The following TP63 variants were observed in gnomAD, a reference collection of about 807,000 sequenced individuals.
TP63 encodes the protein tumor protein p63.
A neutral mutation model predicts 82.8 loss-of-function variants in TP63; 17 were observed. The observed-to-expected ratio is 0.21, with a 90% CI of 0.14 to 0.31. The LOEUF is 0.31. TP63 is among the 10% of genes least tolerant of loss of function. The pLI is 1.00. For synonymous variants in TP63, 330 were observed against 321.7 expected, an observed-to-expected ratio of 1.03 and a Z score of -0.28; for missense variants, 648 against 895.3, an observed-to-expected ratio of 0.72 and a Z score of 3.52.
At chr3:189,607,837 G>A in the TP63 span, among the ~76,000 whole-genome samples, 1 of 152,092 alleles carries the variant, frequency 6.6e-6, no homozygotes, top group African/African-American at 2.4e-5. Flanking sequence ...TTTAAGATGA[G>A]CACAAAATAT....
rs1193819721 is a variant in TP63 at position 189,895,679 on chromosome 3, ATTGTTTGGTAAATGTTTCTT to A, written c.*1200_*1219del. 63 of 228,068 alleles carry A rather than the reference ATTGTTTGGTAAATGTTTCTT, an allele frequency of 2.8e-4. No individual in the cohort carries two copies. The highest frequency in any genetic ancestry group is 5.7e-4 in the East Asian group (9 of 15,684). 14.1% of individuals were successfully genotyped at this position (228,068 alleles called of 1,614,324 possible). A position where few individuals can be genotyped will look rare whatever the true frequency, so the allele number is the denominator to read the frequency against. ...AAAAATCTTTTGAAGCATAGATAAT[ATTGTTTGGTAAATGTTTCTT>A]TTGTTTGGTAAATGTTTCTTTTAAA... On this transcript the variant is annotated 3_prime_UTR_variant, in exon 14 of 14. Transcript: ENST00000264731.
chr3:189,746,544 A>G (rs1467951085), intron 3 of TP63, among the ~76,000 whole-genome samples: 5 of 152,024 alleles, frequency 3.3e-5, no homozygotes, highest in Admixed American at 3.3e-4. Flanking sequence ...GAAAACAACC[A>G]AATCACAATT....
intron 1 of TP63, among the ~76,000 whole-genome samples, chr3:189,689,104 C>CTTTTTTTTTTT (rs776704674): frequency 1.5e-5 from 1 of 68,324 alleles, no homozygotes; most frequent in Non-Finnish European, 2.3e-5. Context: ...CTACCTTTTT[C>CTTTTTTTTTTT]TTTTTTTTTT....
chr3:189,793,821 C>T (rs1238264120), intron 3 of TP63, among the ~76,000 whole-genome samples: 1 of 152,012 alleles, frequency 6.6e-6, no homozygotes, highest in East Asian at 1.9e-4. Flanking sequence ...AATTGTTAAA[C>T]CCAAGTGGGC....
chr3:189,764,542 A>T (rs370541261), intron 3 of TP63, among the ~76,000 whole-genome samples: 2 of 152,280 alleles, frequency 1.3e-5, no homozygotes, highest in African/African-American at 4.8e-5. Context: ...TACTTTGTGG[A>T]CATAGGTTGG....
chr3:189,681,679 TTCC>T (rs1413660779), intron 1 of TP63, among the ~76,000 whole-genome samples: 1 of 152,190 alleles, frequency 6.6e-6, no homozygotes, highest in African/African-American at 2.4e-5. Context: ...GGTTCTCTTC[TTCC>T]TCCTCCTCCT....
At chr3:189,849,459 G>A (rs1270864382) in intron 4 of TP63, among the ~76,000 whole-genome samples, 1 of 152,174 alleles carries the variant, frequency 6.6e-6, no homozygotes, top group East Asian at 1.9e-4. Flanking sequence ...CTTGGTGTCT[G>A]CTGCTTGGTG....
intron 4 of TP63, among the ~76,000 whole-genome samples, chr3:189,815,227 T>C (rs1224425532): frequency 6.6e-6 from 1 of 152,154 alleles, no homozygotes; most frequent in Non-Finnish European, 1.5e-5. Context: ...TAAATTAATA[T>C]GGAGAACATG....
In TP63 at chr3:189,835,111, T is replaced by C. The variant is rs201497342; in HGVS notation, c.579+26585T>C. On this transcript the variant is annotated intron_variant, in intron 4 of 13. Transcript: ENST00000264731. The stretch of plus-strand genomic sequence containing the variant: ...GGTGGAGGGAGTCAAATCTCCTAGT[T>C]TGAGATCCCACACATATAAAGCTCT... Among the ~76,000 whole-genome samples, 28 of 152,220 alleles carry C rather than the reference T, an allele frequency of 1.8e-4. No homozygotes were observed. In the East Asian group the frequency reaches 4.3e-3, roughly 23 times the overall value.
At chr3:189,768,214 G>A (rs1025308026) in intron 3 of TP63, among the ~76,000 whole-genome samples, 2 of 152,058 alleles carry the variant, frequency 1.3e-5, no homozygotes, top group Non-Finnish European at 2.9e-5. Context: ...AATTGAGATA[G>A]TAAATATAAA....
intron 1 of TP63, among the ~76,000 whole-genome samples, chr3:189,693,326 A>G (rs537363587): frequency 7.9e-5 from 12 of 152,328 alleles, no homozygotes; most frequent in Non-Finnish European, 1.0e-4. Flanking sequence ...CTACGTTCGT[A>G]TTCTGCAGAA....
At chr3:189,621,446 A>G in the TP63 span, among the ~76,000 whole-genome samples, 1 of 152,076 alleles carries the variant, frequency 6.6e-6, no homozygotes, top group African/African-American at 2.4e-5. Context: ...ATACATACAT[A>G]TATATACACA....
At chr3:189,766,981 T>C (rs2108549312) in intron 3 of TP63, among the ~76,000 whole-genome samples, 1 of 152,328 alleles carries the variant, frequency 6.6e-6, no homozygotes, top group South Asian at 2.1e-4. Context: ...TTAGGAAATA[T>C]TAAGTATATA....
chr3:189,801,862 A>T (rs1216171222), intron 3 of TP63, among the ~76,000 whole-genome samples: 1 of 152,228 alleles, frequency 6.6e-6, no homozygotes, highest in Non-Finnish European at 1.5e-5. Flanking sequence ...TTGTATGAGT[A>T]TATATTAAGT....
At position 189,757,130 on chromosome 3, in the gene TP63, T is replaced by A. The variant is rs188497985; in HGVS notation, c.324+18356T>A. Among the ~76,000 whole-genome samples, 8 of 152,344 alleles carry A rather than the reference T, an allele frequency of 5.3e-5. No homozygotes were observed. In the East Asian group the frequency reaches 1.5e-3, roughly 29 times the overall value. On this transcript the variant is annotated intron_variant, in intron 3 of 13. Transcript: ENST00000264731. ...TTATATTTAGGAACTTTAGACCTGC[T>A]AATTCTAGTCCAACCTTTAGTAGAT... is the stretch of plus-strand genomic sequence containing the variant.
chr3:189,720,657 C>T (rs1050589906), intron 1 of TP63, among the ~76,000 whole-genome samples: 2 of 149,714 alleles, frequency 1.3e-5, no homozygotes, highest in Non-Finnish European at 3.0e-5. Flanking sequence ...TCACTTGAAC[C>T]CAGGAGGTGA....
chr3:189,600,033 AGAAATAATATGTC>A, the TP63 span, among the ~76,000 whole-genome samples: 1 of 152,226 alleles, frequency 6.6e-6, no homozygotes, highest in African/African-American at 2.4e-5. Context: ...CACGTAATTG[AGAAATAATATGTC>A]GAAGAGGCAA....
intron 4 of TP63, among the ~76,000 whole-genome samples, chr3:189,818,017 A>G (rs4558735): frequency 0.57 from 86,306 of 151,444 alleles, 25,577 homozygotes; most frequent in Admixed American, 0.71. Context: ...CAATGGAATT[A>G]ATTTACAGTA....
At chr3:189,717,978 G>T (rs1462631802) in intron 1 of TP63, among the ~76,000 whole-genome samples, 1 of 152,138 alleles carries the variant, frequency 6.6e-6, no homozygotes, top group Non-Finnish European at 1.5e-5. Context: ...AATCTAAAAT[G>T]GAAAATTATT....
Sources: allele counts gnomAD v4.1 joint callset (sites outside exome capture counted in the v4.1 genomes callset), GRCh38; gene constraint gnomAD v4.1.1; transcripts MANE v1.5; gene names NCBI Gene and HGNC (gene_info 2026-07-23, HGNC 2026-07-21).